The following ESPNL variants were observed in gnomAD, a reference collection of about 807,000 sequenced individuals.
ESPNL encodes espin like, also known as espin-like protein.
In ESPNL, 49 loss-of-function variants were observed where a neutral mutation model predicts 46.8. The observed-to-expected ratio is 1.05, with a 90% CI of 0.83 to 1.33. The LOEUF is 1.33. Ranked by LOEUF, ESPNL falls within the 40% of genes most tolerant of loss-of-function variation. The pLI is 0.00. For missense variants in ESPNL, 1,540 were observed against 1,436.6 expected, an observed-to-expected ratio of 1.07 and a Z score of -1.16; for synonymous variants, 664 against 662.1, an observed-to-expected ratio of 1.00 and a Z score of -0.04.
chr2:238,110,033 T>C (rs969682337), intron 4 of ESPNL, among the ~76,000 whole-genome samples: 5 of 145,340 alleles, frequency 3.4e-5, no homozygotes, highest in African/African-American at 7.8e-5. Flanking sequence ...TTACCGAGTG[T>C]CCCTTTTCTG....
intron 5 of ESPNL, among the ~76,000 whole-genome samples, chr2:238,119,406 A>AGGGTGAATGGAGGAG (rs746629551): frequency 1.2e-5 from 1 of 83,022 alleles, no homozygotes; most frequent in Admixed American, 1.1e-4. Context: ...TGGATGGAGG[A>AGGGTGAATGGAGGAG]GGTGGATGGA....
chr2:238,125,548 T>C (rs1213192803), intron 6 of ESPNL, among the ~76,000 whole-genome samples, 164 bp downstream of exon 6: 1 of 152,236 alleles, frequency 6.6e-6, no homozygotes, highest in Non-Finnish European at 1.5e-5. Context: ...CTGTCTTTGG[T>C]GCTTTGGAAA....
chr2:238,118,970 G>A lies in ESPNL; in HGVS notation c.987+1936G>A, dbSNP rs1691904021. ...GAGGATTGATGGAGGAGGGTGGATGGAGGAGGGTTAATGGAGGAGGAGTGG... is the reference window on the plus strand; with the variant it reads ...GAGGATTGATGGAGGAGGGTGGATGAAGGAGGGTTAATGGAGGAGGAGTGG... On this transcript the variant is annotated intron_variant, in intron 5 of 8. Transcript: ENST00000343063. 4.2e-5 allele frequency among the ~76,000 whole-genome samples: 6 copies of A among 143,468 alleles called. No homozygotes were observed. The South Asian group carries it at 1.1e-3, about 27-fold the overall frequency. The allele number at this position is 143,468 out of a possible 152,430, so 94.1% of individuals were successfully genotyped here. A position where few individuals can be genotyped will look rare whatever the true frequency, so the allele number is the denominator to read the frequency against.
chr2:238,111,737 T>G (rs1210175996), intron 4 of ESPNL, among the ~76,000 whole-genome samples: 2 of 152,248 alleles, frequency 1.3e-5, no homozygotes, highest in Non-Finnish European at 2.9e-5. Flanking sequence ...CATGCTACCA[T>G]GAACAGGGGT....
At chr2:238,120,398 C>T (rs1461457182) in intron 5 of ESPNL, among the ~76,000 whole-genome samples, 3 of 152,226 alleles carry the variant, frequency 2.0e-5, no homozygotes, top group Admixed American at 6.5e-5. Flanking sequence ...GGAACAGCCC[C>T]GCCCGACCTC....
At chr2:238,104,502 C>A (rs929641413) in intron 2 of ESPNL, among the ~76,000 whole-genome samples, 154 bp from the exon 3 acceptor site, 15 of 152,238 alleles carry the variant, frequency 9.9e-5, no homozygotes, top group African/African-American at 3.6e-4. Flanking sequence ...GGGGAGCAAC[C>A]TGGAGGGGGG....
intron 6 of ESPNL, among the ~76,000 whole-genome samples, chr2:238,126,579 G>GTC (rs1692124113): frequency 7.3e-6 from 1 of 137,758 alleles, no homozygotes; most frequent in African/African-American, 3.0e-5. Flanking sequence ...GTGTGTGTCT[G>GTC]TGATTGTGTC....
In ESPNL at chr2:238,100,608, CA is replaced by C; in HGVS notation, c.191del (p.Asn64ThrfsTer69). On this transcript the variant is annotated frameshift_variant, in exon 1 of 9. Coordinates refer to ENST00000343063, the MANE Select transcript of ESPNL (RefSeq NM_194312.4). LOFTEE classifies it high-confidence loss of function. ...FLVQRAQLPG[N>X]QRAHNGATPA... ...TGGTGCAGCGGGCCCAGCTGCCCGG[CA>C]ACCAGCGGGCCCACAACGGGGCCAC... is the stretch of plus-strand genomic sequence containing the variant. 1 of 1,508,904 alleles carries C rather than the reference CA, an allele frequency of 6.6e-7. No homozygotes were observed. The highest frequency in any genetic ancestry group is 8.8e-7 in the Non-Finnish European group (1 of 1,132,934). The allele number at this position is 1,508,904 out of a possible 1,614,324, so 93.5% of individuals were successfully genotyped here.
chr2:238,126,844 T>TGTGTGTGATTGTGTCTGC (rs1692135347), intron 6 of ESPNL, among the ~76,000 whole-genome samples: 2 of 151,848 alleles, frequency 1.3e-5, no homozygotes, highest in Non-Finnish European at 1.5e-5. Flanking sequence ...TGACTGTATC[T>TGTGTGTGATTGTGTCTGC]GTGTGTGATT....
In ESPNL at chr2:238,116,979, C is replaced by T. The variant is rs769923828; in HGVS notation, c.932C>T (p.Ala311Val). The T allele has an allele frequency of 1.4e-5, 23 of 1,612,478 alleles. No individual in the cohort carries two copies. The highest frequency in any genetic ancestry group is 1.8e-5 in the Non-Finnish European group (21 of 1,179,752). The change falls in exon 5 of 9, where the codon GCG becomes GTG. Residue 311 changes from alanine (A) to valine (V), a missense_variant. By Grantham distance (64) the Ala-to-Val change is moderately conservative. Transcript: ENST00000343063. Reference protein sequence around the residue: ...DEDGYTAADLAEYHGHRDCAQ... With the variant: ...DEDGYTAADLVEYHGHRDCAQ... ...GATGGTTACACGGCGGCAGACCTGGCGGAGTACCATGGACACCGGGACTGC... is the reference window on the plus strand; with the variant it reads ...GATGGTTACACGGCGGCAGACCTGGTGGAGTACCATGGACACCGGGACTGC...
intron 5 of ESPNL, among the ~76,000 whole-genome samples, chr2:238,120,596 C>T (rs1349947555): frequency 6.6e-6 from 1 of 152,280 alleles, no homozygotes; most frequent in Non-Finnish European, 1.5e-5. Context: ...CCCTGCCCGG[C>T]GCATGAAAAC....
chr2:238,131,914 A>T lies in ESPNL; in HGVS notation c.*182A>T. 1.5e-6 allele frequency: 1 copy of T among 673,656 alleles called. No homozygotes were observed. The highest frequency in any genetic ancestry group is 2.4e-6 in the Non-Finnish European group (1 of 409,764). 41.7% of individuals were successfully genotyped at this position (673,656 alleles called of 1,614,324 possible). ...ATGGTTCTCCTCCGAGCTGGGACTC[A>T]GACTCCTTCTCACCACTGCACCCAG... is the stretch of plus-strand genomic sequence containing the variant. On this transcript the variant is annotated 3_prime_UTR_variant, in exon 9 of 9. Coordinates refer to ENST00000343063, the MANE Select transcript of ESPNL (RefSeq NM_194312.4).
At chr2:238,106,180 T>A (rs923784046) in intron 3 of ESPNL, among the ~76,000 whole-genome samples, 2 of 152,190 alleles carry the variant, frequency 1.3e-5, no homozygotes, top group African/African-American at 4.8e-5. Flanking sequence ...CTTCACCACC[T>A]GCTACGTTCC....
rs368960747 is a variant in ESPNL, at chr2:238,117,062, G to A, written c.987+28G>A. ...AAGGCTCAGGGTCCCCAGCTGCCCTGGAGGCATGGGGGGTGGGCCCAGACC... is the reference window on the plus strand; with the variant it reads ...AAGGCTCAGGGTCCCCAGCTGCCCTAGAGGCATGGGGGGTGGGCCCAGACC... On this transcript the variant is annotated intron_variant, in intron 5 of 8. Coordinates refer to ENST00000343063, the MANE Select transcript of ESPNL (RefSeq NM_194312.4). 13 of 1,589,474 alleles carry A rather than the reference G, an allele frequency of 8.2e-6. No individual in the cohort carries two copies. The African/African-American group carries it at 1.6e-4, about 20-fold the overall frequency.
intron 3 of ESPNL, 111 bp downstream of exon 3, chr2:238,104,953 C>T: frequency 2.1e-6 from 2 of 944,690 alleles, no homozygotes; most frequent in Non-Finnish European, 3.0e-6. Flanking sequence ...ACACGCAGGG[C>T]TGTTGGGGCA....
intron 1 of ESPNL, among the ~76,000 whole-genome samples, chr2:238,101,105 C>T (rs1007978764): frequency 5.3e-5 from 8 of 152,110 alleles, no homozygotes; most frequent in Non-Finnish European, 1.2e-4. Context: ...CCCTGGGGGA[C>T]GGGAGTTAGG....
chr2:238,125,965 G>C (rs1332694622), intron 6 of ESPNL, among the ~76,000 whole-genome samples: 2 of 151,820 alleles, frequency 1.3e-5, no homozygotes, highest in Admixed American at 1.3e-4. Context: ...ACCCTTCTCT[G>C]TGTGTGATTG....
intron 4 of ESPNL, among the ~76,000 whole-genome samples, chr2:238,109,946 C>T (rs1691681734): frequency 6.7e-6 from 1 of 149,448 alleles, no homozygotes; most frequent in Non-Finnish European, 1.5e-5. Flanking sequence ...CTTTTCTGTC[C>T]CAGGATCCCA....
At position 238,131,090 on chromosome 2, in the gene ESPNL, C is replaced by T. The variant is rs113622966; in HGVS notation, c.2376C>T (p.Pro792=). Residue 792 remains proline (P), a synonymous_variant, in exon 9 of 9, where the codon CCC becomes CCT. Coordinates refer to ENST00000343063, the MANE Select transcript of ESPNL (RefSeq NM_194312.4). ...CACCCTCCCCGCCCAGCGAGGGCCC[C>T]CGGCTGGGCCACCTGTGGCAGCAGC... ...PGPPSPPSEG[P]RLGHLWQQRS... is the part of the protein sequence containing the mutation. 1 of 1,542,286 alleles carries T rather than the reference C, an allele frequency of 6.5e-7. No individual in the cohort carries two copies.
Sources: allele counts gnomAD v4.1 joint callset (sites outside exome capture counted in the v4.1 genomes callset), GRCh38; gene constraint gnomAD v4.1.1; transcripts MANE v1.5; gene names NCBI Gene and HGNC (gene_info 2026-07-23, HGNC 2026-07-21).